Variants in OPCML observed in about 807,000 individuals in gnomAD.
OPCML encodes the protein opioid binding protein/cell adhesion molecule like.
Under a neutral mutation model 37.8 loss-of-function variants are expected in OPCML, and 13 were observed. That is an observed-to-expected ratio of 0.34 (90% CI 0.22 to 0.55). OPCML has a LOEUF of 0.55. OPCML is among the 20% of genes least tolerant of loss of function. The probability of loss-of-function intolerance (pLI) is 0.91; values close to 1 mark genes in which losing one functional copy is unlikely to be tolerated. For missense variants in OPCML, 341 were observed against 435.6 expected, an observed-to-expected ratio of 0.78 and a Z score of 1.93; for synonymous variants, 176 against 168.8, an observed-to-expected ratio of 1.04 and a Z score of -0.33.
chr11:133,032,485 G>C (rs975755946), intron 1 of OPCML, among the ~76,000 whole-genome samples: 1 of 152,154 alleles, frequency 6.6e-6, no homozygotes, highest in Non-Finnish European at 1.5e-5. Flanking sequence ...GCTTGTATTG[G>C]TTTTGGTTGT....
intron 1 of OPCML, among the ~76,000 whole-genome samples, chr11:133,309,158 T>C (rs895271988): frequency 6.6e-6 from 1 of 152,274 alleles, no homozygotes; most frequent in Non-Finnish European, 1.5e-5. Flanking sequence ...CAAGATACAT[T>C]TCTCTCTACA....
chr11:133,384,247 C>CAAAAAAAAA (rs1186998875), intron 1 of OPCML, among the ~76,000 whole-genome samples: 11 of 71,236 alleles, frequency 1.5e-4, no homozygotes, highest in African/African-American at 4.6e-4. Context: ...GGCCACTGTG[C>CAAAAAAAAA]AAAAAAAAAA....
chr11:132,634,428 T>C (rs1591651065), intron 3 of OPCML, among the ~76,000 whole-genome samples: 1 of 152,320 alleles, frequency 6.6e-6, no homozygotes, highest in East Asian at 1.9e-4. Context: ...GAATATACTT[T>C]TGAGTTCTCA....
chr11:132,895,251 C>T (rs1395315561), intron 2 of OPCML, among the ~76,000 whole-genome samples: 1 of 152,210 alleles, frequency 6.6e-6, no homozygotes, highest in African/African-American at 2.4e-5. Flanking sequence ...TTGGTGACTT[C>T]TATATATGAT....
chr11:132,843,829 G>A (rs1941403081), intron 2 of OPCML, among the ~76,000 whole-genome samples: 1 of 152,196 alleles, frequency 6.6e-6, no homozygotes, highest in African/African-American at 2.4e-5. Flanking sequence ...GATAGTTTCA[G>A]ATGTATACAT....
chr11:133,530,988 G>A (rs1315294562), intron 1 of OPCML, among the ~76,000 whole-genome samples: 2 of 152,134 alleles, frequency 1.3e-5, no homozygotes, highest in East Asian at 1.9e-4. Context: ...CTATAAAAAG[G>A]CAGGTAAGGT....
intron 1 of OPCML, among the ~76,000 whole-genome samples, chr11:133,100,410 A>C (rs183039515): frequency 2.9e-4 from 44 of 152,358 alleles, no homozygotes; most frequent in Admixed American, 2.7e-3. Context: ...CACAATCCCA[A>C]ACAAAATACC....
chr11:133,143,386 A>G (rs913953745), intron 1 of OPCML, among the ~76,000 whole-genome samples: 6 of 152,112 alleles, frequency 3.9e-5, no homozygotes, highest in Admixed American at 3.3e-4. Context: ...CCCATTCTCT[A>G]TGGGGTGGAA....
intron 1 of OPCML, among the ~76,000 whole-genome samples, chr11:133,043,444 A>G (rs531279551): frequency 6.6e-6 from 1 of 152,268 alleles, no homozygotes; most frequent in South Asian, 2.1e-4. Context: ...GAAATTAACC[A>G]GCCTTCCCTT....
intron 2 of OPCML, among the ~76,000 whole-genome samples, chr11:132,803,133 C>T (rs1938775365): frequency 1.3e-5 from 2 of 152,148 alleles, no homozygotes; most frequent in South Asian, 4.1e-4. Context: ...TTCCACTGAC[C>T]TAAGCAAATG....
intron 1 of OPCML, among the ~76,000 whole-genome samples, chr11:132,955,707 C>T (rs1419257889): frequency 6.6e-6 from 1 of 151,964 alleles, no homozygotes; most frequent in Non-Finnish European, 1.5e-5. Flanking sequence ...CATGGTGAAA[C>T]CCCACCTCAA....
intron 2 of OPCML, among the ~76,000 whole-genome samples, chr11:132,671,031 C>T (rs1000680147): frequency 6.6e-6 from 1 of 152,088 alleles, no homozygotes; most frequent in Non-Finnish European, 1.5e-5. Context: ...AACTAGTAGG[C>T]CAGTAGCTTT....
chr11:133,434,788 T>TTATATATATA (rs1388445894), intron 1 of OPCML, among the ~76,000 whole-genome samples: 1 of 119,202 alleles, frequency 8.4e-6, no homozygotes, highest in East Asian at 2.2e-4. Flanking sequence ...AAAAAAAAAA[T>TTATATATATA]TATATATATG....
At chr11:133,388,567 C>T (rs975358154) in intron 1 of OPCML, among the ~76,000 whole-genome samples, 5 of 152,252 alleles carry the variant, frequency 3.3e-5, no homozygotes, top group South Asian at 4.1e-4. Flanking sequence ...TTAATCTCAA[C>T]GTCAAAAAGG....
intron 4 of OPCML, among the ~76,000 whole-genome samples, chr11:132,456,234 T>C (rs1374124946): frequency 2.6e-5 from 4 of 152,148 alleles, no homozygotes; most frequent in Non-Finnish European, 5.9e-5. Context: ...CACAGTGCAA[T>C]TGAGAAAACA....
chr11:133,061,837 CGTTT>C (rs1450900663), intron 1 of OPCML, among the ~76,000 whole-genome samples: 1 of 147,984 alleles, frequency 6.8e-6, no homozygotes, highest in African/African-American at 2.5e-5. Context: ...AGTTCCATTT[CGTTT>C]GTTTTCCATC....
chr11:132,707,860 A>C (rs2135940200), intron 2 of OPCML, among the ~76,000 whole-genome samples: 1 of 152,344 alleles, frequency 6.6e-6, no homozygotes, highest in African/African-American at 2.4e-5. Context: ...ATATTATAGA[A>C]GAAATCATGA....
Position 133,194,775 on chromosome 11 carries a change from C to T in OPCML, c.62-251765G>A, listed in dbSNP as rs143032198. 2.4e-4 allele frequency among the ~76,000 whole-genome samples: 36 copies of T among 152,288 alleles called. No homozygotes were observed. The East Asian group carries it at 5.0e-3, about 21-fold the overall frequency. ...ACCTAGTCCCACCTTACCTTTTCAG[C>T]TTCATCCCCACATTTTCCCTTCAGA... On this transcript the variant is annotated intron_variant, in intron 1 of 7. Transcript: ENST00000524381.
chr11:133,054,787 T>G (rs10894641), intron 1 of OPCML, among the ~76,000 whole-genome samples: 2 of 151,984 alleles, frequency 1.3e-5, no homozygotes, highest in East Asian at 3.9e-4. Context: ...GTGAAGGAGC[T>G]GCCTTTACTA....
Sources: allele counts gnomAD v4.1 joint callset (sites outside exome capture counted in the v4.1 genomes callset), GRCh38; gene constraint gnomAD v4.1.1; transcripts MANE v1.5; gene names NCBI Gene and HGNC (gene_info 2026-07-23, HGNC 2026-07-21).